The following GLIS3 variants were observed in gnomAD, a reference collection of about 807,000 sequenced individuals.
GLIS3 encodes zinc finger protein GLIS3.
GLIS3 carries 53 observed loss-of-function variants against 78.6 expected under a neutral mutation model. The observed-to-expected ratio is 0.67, with a 90% CI of 0.54 to 0.85. The LOEUF is 0.85. GLIS3 is among the 40% of genes least tolerant of loss of function. The pLI is 0.00. For missense variants in GLIS3, 1,703 were observed against 1,231.1 expected, an observed-to-expected ratio of 1.38 and a Z score of -5.74; for synonymous variants, 684 against 509.9, an observed-to-expected ratio of 1.34 and a Z score of -4.60.
intron 2 of GLIS3, among the ~76,000 whole-genome samples, chr9:4,241,738 A>ACT (rs1823338064): frequency 6.6e-6 from 1 of 152,164 alleles, no homozygotes; most frequent in Non-Finnish European, 1.5e-5. Context: ...GCTGGAATGC[A>ACT]GCAGCGTGAT....
At chr9:4,075,479 G>A (rs1280602645) in intron 4 of GLIS3, among the ~76,000 whole-genome samples, 3 of 151,806 alleles carry the variant, frequency 2.0e-5, no homozygotes, top group Non-Finnish European at 2.9e-5. Flanking sequence ...GGGAGGCTGA[G>A]GCGGAAGAAT....
At chr9:4,098,239 A>G (rs1330559278) in intron 4 of GLIS3, among the ~76,000 whole-genome samples, 1 of 152,216 alleles carries the variant, frequency 6.6e-6, no homozygotes, top group Non-Finnish European at 1.5e-5. Context: ...AATCTGAGTA[A>G]TGACTGCCTT....
At chr9:4,340,179 A>G (rs1350992453) in intron 2 of GLIS3, among the ~76,000 whole-genome samples, 1 of 151,472 alleles carries the variant, frequency 6.6e-6, no homozygotes, top group Admixed American at 6.6e-5. Context: ...TCTTTCTTAC[A>G]TGGCCAACTT....
intron 2 of GLIS3, among the ~76,000 whole-genome samples, chr9:4,182,767 A>G (rs1297230316): frequency 6.6e-6 from 1 of 152,314 alleles, no homozygotes; most frequent in African/African-American, 2.4e-5. Flanking sequence ...TGAAAACGCA[A>G]TAGTAATGAT....
intron 2 of GLIS3, among the ~76,000 whole-genome samples, chr9:4,335,563 T>C (rs979604377): frequency 3.9e-5 from 6 of 152,228 alleles, no homozygotes; most frequent in African/African-American, 1.2e-4. Context: ...TTCTGGTGTC[T>C]ATCTCCCTCA....
At chr9:3,887,881 AC>A (rs541676859) in intron 7 of GLIS3, among the ~76,000 whole-genome samples, 4 of 152,248 alleles carry the variant, frequency 2.6e-5, no homozygotes, top group South Asian at 4.1e-4. Flanking sequence ...TCTGGGATGA[AC>A]CTTTCACACA....
In GLIS3 at chr9:3,978,813, G is replaced by T. The variant is rs377208685; in HGVS notation, c.1711-41624C>A. Reference sequence around the variant, plus strand: ...ATTTTTAAAAAAGATTTCATATGCAGTCAGCACTCTACATCCTTGAGTTCC... The same window carrying T: ...ATTTTTAAAAAAGATTTCATATGCATTCAGCACTCTACATCCTTGAGTTCC... On this transcript the variant is annotated intron_variant, in intron 4 of 10. Transcript: ENST00000381971. 1.5e-3 allele frequency among the ~76,000 whole-genome samples: 231 copies of T among 152,210 alleles called. 1 individual carries two copies. The highest frequency in any genetic ancestry group is 5.4e-3 in the African/African-American group (224 of 41,532).
At chr9:4,192,686 C>A (rs1188059648) in intron 2 of GLIS3, among the ~76,000 whole-genome samples, 2 of 152,032 alleles carry the variant, frequency 1.3e-5, no homozygotes, top group African/African-American at 4.8e-5. Flanking sequence ...CCTACTTTAG[C>A]AGGGCCCTGG....
chr9:4,228,181 A>G lies in GLIS3; in HGVS notation c.388+57857T>C, dbSNP rs572344672. Among the ~76,000 whole-genome samples, 167 of 146,850 alleles carry G rather than the reference A, an allele frequency of 1.1e-3. 2 individuals are homozygous for G. The highest frequency in any genetic ancestry group is 4.1e-3 in the African/African-American group (160 of 39,408). Reference sequence around the variant, plus strand: ...AAAAGGGTAAAGTAGAAATTCATAAAGAGAAGTCTAAGGTGGCAAAAAAAA... The same window carrying G: ...AAAAGGGTAAAGTAGAAATTCATAAGGAGAAGTCTAAGGTGGCAAAAAAAA... On this transcript the variant is annotated intron_variant, in intron 2 of 10. Transcript: ENST00000381971.
At chr9:4,385,801 GAA>G in the GLIS3 span, among the ~76,000 whole-genome samples, 408 of 66,030 alleles carry the variant, frequency 6.2e-3, 36 homozygotes, top group Middle Eastern at 0.025. Flanking sequence ...AAGAAAGAAA[GAA>G]AGAAAGAAAA....
intron 2 of GLIS3, among the ~76,000 whole-genome samples, chr9:4,223,544 C>T (rs372662716): frequency 2.7e-5 from 4 of 148,614 alleles, no homozygotes; most frequent in African/African-American, 1.0e-4. Context: ...CCTGTTTATT[C>T]TCAGGGTTGA....
intron 4 of GLIS3, among the ~76,000 whole-genome samples, chr9:4,053,538 C>T (rs973536084): frequency 9.9e-5 from 15 of 151,822 alleles, no homozygotes; most frequent in African/African-American, 3.6e-4. Context: ...AGGACTGTTC[C>T]TGTCTTGTTC....
At chr9:4,106,057 C>G (rs550310505) in intron 4 of GLIS3, among the ~76,000 whole-genome samples, 9 of 152,304 alleles carry the variant, frequency 5.9e-5, no homozygotes, top group African/African-American at 2.2e-4. Context: ...CAGAAACAAA[C>G]GGCACCTGTC....
intron 4 of GLIS3, among the ~76,000 whole-genome samples, chr9:3,962,335 G>A (rs1817623263): frequency 6.6e-6 from 1 of 152,114 alleles, no homozygotes. Context: ...CTGCAACTAA[G>A]TTTTCTTGGT....
At chr9:4,394,835 C>T in the GLIS3 span, among the ~76,000 whole-genome samples, 1 of 152,162 alleles carries the variant, frequency 6.6e-6, no homozygotes, top group Non-Finnish European at 1.5e-5. Flanking sequence ...AATAACAAAA[C>T]ACTGCCAAAT....
chr9:3,873,437 A>T (rs1313807287), intron 8 of GLIS3, among the ~76,000 whole-genome samples: 1 of 152,222 alleles, frequency 6.6e-6, no homozygotes, highest in African/African-American at 2.4e-5. Context: ...TAAATGGGAT[A>T]TATAACATCA....
At chr9:4,233,808 T>A (rs756397738) in intron 2 of GLIS3, among the ~76,000 whole-genome samples, 2 of 152,232 alleles carry the variant, frequency 1.3e-5, no homozygotes, top group Non-Finnish European at 2.9e-5. Flanking sequence ...GGCTGTTTTA[T>A]CTACATTGAA....
At chr9:4,117,195 C>G (rs1831718611) in intron 4 of GLIS3, among the ~76,000 whole-genome samples, 1 of 152,138 alleles carries the variant, frequency 6.6e-6, no homozygotes, top group Non-Finnish European at 1.5e-5. Context: ...CTGTGTATCC[C>G]CTGGGTGATT....
chr9:3,998,576 C>G (rs1017106228), intron 4 of GLIS3, among the ~76,000 whole-genome samples: 1 of 151,442 alleles, frequency 6.6e-6, no homozygotes, highest in African/African-American at 2.4e-5. Context: ...GATTTTTTGT[C>G]CTTAAAATTT....
Sources: allele counts gnomAD v4.1 joint callset (sites outside exome capture counted in the v4.1 genomes callset), GRCh38; gene constraint gnomAD v4.1.1; transcripts MANE v1.5; gene names NCBI Gene and HGNC (gene_info 2026-07-23, HGNC 2026-07-21).